RAB27B: variants seen among roughly 807,000 people sequenced by gnomAD.
RAB27B encodes the protein ras-related protein Rab-27B.
Under a neutral mutation model 24.6 loss-of-function variants are expected in RAB27B, and 15 were observed. That is an observed-to-expected ratio of 0.61 (90% CI 0.41 to 0.94). The LOEUF is 0.94. RAB27B is among the 40% of genes least tolerant of loss of function. RAB27B has a pLI of 0.00. For missense variants in RAB27B, 261 were observed against 266.8 expected, an observed-to-expected ratio of 0.98 and a Z score of 0.15; for synonymous variants, 105 against 92.5, an observed-to-expected ratio of 1.14 and a Z score of -0.78.
At chr18:54,867,335 A>T (rs998680556) in intron 1 of RAB27B, among the ~76,000 whole-genome samples, 1 of 152,128 alleles carries the variant, frequency 6.6e-6, no homozygotes, top group African/African-American at 2.4e-5. Context: ...TTCCCATTGC[A>T]GAGTGGTACT....
At position 54,724,234 on chromosome 18, in the gene RAB27B, A is replaced by G. The variant is rs184588147; in HGVS notation, c.-20+6093A>G. On this transcript the variant is annotated intron_variant, in intron 2 of 4. Transcript: ENST00000586570. ...CATCCAAAAATTCAACCAGGTCAAG[A>G]AAGACATGACTTAGCAACAGCATAT... is the stretch of plus-strand genomic sequence containing the variant. Among the ~76,000 whole-genome samples, 648 of 151,840 alleles carry G rather than the reference A, an allele frequency of 4.3e-3. 15 individuals are homozygous for G. Among genetic ancestry groups the G allele is most frequent in the African/African-American group, 0.015 (603 of 41,488 alleles).
intron 2 of RAB27B, among the ~76,000 whole-genome samples, chr18:54,747,983 G>C (rs372898004): frequency 6.6e-6 from 1 of 151,972 alleles, no homozygotes; most frequent in Non-Finnish European, 1.5e-5. Context: ...TGATGTTGCT[G>C]TTGTCCCAAC....
intron 2 of RAB27B, among the ~76,000 whole-genome samples, chr18:54,743,066 T>A (rs540225423): frequency 3.9e-5 from 6 of 152,216 alleles, no homozygotes; most frequent in Non-Finnish European, 5.9e-5. Context: ...TGGTCCTGTA[T>A]AACATAATCT....
intron 1 of RAB27B, 23 bp from the exon 2 acceptor site, chr18:54,877,544 C>T (rs1262590523): frequency 3.7e-6 from 5 of 1,337,768 alleles, no homozygotes; most frequent in Non-Finnish European, 4.9e-6. Flanking sequence ...TCAAAACATA[C>T]TTGTTTTCCC....
chr18:54,745,831 T>G (rs1023988716), intron 2 of RAB27B, among the ~76,000 whole-genome samples: 1 of 145,444 alleles, frequency 6.9e-6, no homozygotes, highest in Non-Finnish European at 1.5e-5. Flanking sequence ...TTTATATTTA[T>G]TATATTATAT....
chr18:54,864,048 C>T (rs369959977), intron 1 of RAB27B, among the ~76,000 whole-genome samples: 8 of 152,304 alleles, frequency 5.3e-5, no homozygotes, highest in African/African-American at 1.9e-4. Flanking sequence ...ATTATTGGAT[C>T]ATGCATTAAA....
intron 1 of RAB27B, among the ~76,000 whole-genome samples, chr18:54,855,798 G>A (rs2145227265): frequency 6.6e-6 from 1 of 152,240 alleles, no homozygotes; most frequent in East Asian, 1.9e-4. Context: ...TTCTTCTTTA[G>A]ATTCAACATA....
chr18:54,871,905 T>G (rs546416660), intron 1 of RAB27B, among the ~76,000 whole-genome samples: 1 of 151,830 alleles, frequency 6.6e-6, no homozygotes, highest in Non-Finnish European at 1.5e-5. Context: ...TTTAATACGT[T>G]AAAGTCACAG....
chr18:54,840,064 A>C (rs569462619), intron 1 of RAB27B, among the ~76,000 whole-genome samples: 1 of 152,210 alleles, frequency 6.6e-6, no homozygotes, highest in Non-Finnish European at 1.5e-5. Context: ...TATAAGGCCA[A>C]ACATTCTCTA....
chr18:54,775,786 G>T (rs1184904820), intron 2 of RAB27B, among the ~76,000 whole-genome samples: 1 of 152,100 alleles, frequency 6.6e-6, no homozygotes, highest in African/African-American at 2.4e-5. Context: ...TTGTCACCTA[G>T]CCAATTTCTA....
At chr18:54,816,604 G>A (rs1421521127) in intron 2 of RAB27B, among the ~76,000 whole-genome samples, 19 of 152,118 alleles carry the variant, frequency 1.2e-4, no homozygotes, top group Admixed American at 1.2e-3. Flanking sequence ...CTCAAAGAAA[G>A]TGAAAAACAC....
rs193209194 is a variant in RAB27B at position 54,852,660 on chromosome 18, C to A, written c.-20+23960C>A. 2.0e-5 allele frequency among the ~76,000 whole-genome samples: 3 copies of A among 152,250 alleles called. No individual in the cohort carries two copies. The East Asian group carries it at 5.8e-4, about 29-fold the overall frequency. On this transcript the variant is annotated intron_variant, in intron 1 of 5. Transcript: ENST00000262094. ...GTTCACATGCCTTGGATCACCTGAG[C>A]ATGAAGGCTTATTGAAAGAAATAGT...
Position 54,796,077 on chromosome 18 carries a change from G to A in RAB27B, c.-20+77936G>A, listed in dbSNP as rs143581915. On this transcript the variant is annotated intron_variant, in intron 2 of 4. Transcript: ENST00000586570. Reference sequence around the variant, plus strand: ...GATCTGCTTTCTATTACTATAGACTGGTGAAATGGGAGAGTTTCCTCATCC... The same window carrying A: ...GATCTGCTTTCTATTACTATAGACTAGTGAAATGGGAGAGTTTCCTCATCC... Among the ~76,000 whole-genome samples the A allele has an allele frequency of 4.1e-4, 62 of 152,272 alleles. 1 individual carries two copies. In the East Asian group the frequency reaches 0.012, roughly 29 times the overall value.
chr18:54,858,665 C>T (rs548505135), intron 1 of RAB27B, among the ~76,000 whole-genome samples: 2 of 152,178 alleles, frequency 1.3e-5, no homozygotes, highest in Non-Finnish European at 2.9e-5. Flanking sequence ...CAGGCGTGAG[C>T]CACTGTGCCC....
At chr18:54,823,689 A>C (rs191666945), upstream of RAB27B, among the ~76,000 whole-genome samples, 18 of 152,302 alleles carry the variant, frequency 1.2e-4, no homozygotes, top group East Asian at 3.5e-3. Context: ...AACCTCTCAA[A>C]TCTATCTTCA....
chr18:54,865,424 A>G (rs1302235248), intron 1 of RAB27B, among the ~76,000 whole-genome samples: 2 of 152,196 alleles, frequency 1.3e-5, no homozygotes, highest in Non-Finnish European at 2.9e-5. Context: ...GTTGTAAAGA[A>G]CTATCTATGA....
rs78336187 is a variant in RAB27B at position 54,875,081 on chromosome 18, C to T, written c.-19-2486C>T. 1.9e-4 allele frequency among the ~76,000 whole-genome samples: 29 copies of T among 152,200 alleles called. No homozygotes were observed. The East Asian group carries it at 3.9e-3, about 20-fold the overall frequency. On this transcript the variant is annotated intron_variant, in intron 1 of 5. Coordinates refer to ENST00000262094, the MANE Select transcript of RAB27B (RefSeq NM_004163.4). ...CTCATGTCTGTAATCCCAGCACTTTCGGAAGCTGAAATGGGTGGATTGCTT... is the reference window on the plus strand; with the variant it reads ...CTCATGTCTGTAATCCCAGCACTTTTGGAAGCTGAAATGGGTGGATTGCTT...
intron 3 of RAB27B, 46 bp from the exon 4 acceptor site, chr18:54,884,287 A>T (rs773306177): frequency 2.6e-6 from 3 of 1,146,474 alleles, no homozygotes; most frequent in African/African-American, 1.5e-5. Context: ...GTTGTCAAAG[A>T]TATGTGGACT....
At chr18:54,736,775 T>A (rs1054954058) in intron 2 of RAB27B, among the ~76,000 whole-genome samples, 1 of 152,050 alleles carries the variant, frequency 6.6e-6, no homozygotes, top group African/African-American at 2.4e-5. Flanking sequence ...GAAGGAGATA[T>A]CATGTAGAAA....
Sources: allele counts gnomAD v4.1 joint callset (sites outside exome capture counted in the v4.1 genomes callset), GRCh38; gene constraint gnomAD v4.1.1; transcripts MANE v1.5; gene names NCBI Gene and HGNC (gene_info 2026-07-23, HGNC 2026-07-21).